The following PREP variants were observed in gnomAD, a reference collection of about 807,000 sequenced individuals.
PREP encodes prolyl endopeptidase, also known as dJ355L5.1 (prolyl endopeptidase).
A neutral mutation model predicts 87.6 loss-of-function variants in PREP; 29 were observed. That is an observed-to-expected ratio of 0.33 (90% CI 0.25 to 0.45). PREP has a LOEUF of 0.45. PREP is among the 20% of genes least tolerant of loss of function. The pLI, the probability that PREP is intolerant of heterozygous loss-of-function variation, is 1.00. For synonymous variants in PREP, 337 were observed against 328.6 expected, an observed-to-expected ratio of 1.03 and a Z score of -0.28; for missense variants, 695 against 886.5, an observed-to-expected ratio of 0.78 and a Z score of 2.74.
At chr6:105,369,838 AAAAC>A (rs1562219395) in intron 5 of PREP, among the ~76,000 whole-genome samples, 1 of 152,150 alleles carries the variant, frequency 6.6e-6, no homozygotes, top group African/African-American at 2.4e-5. Flanking sequence ...AACAAACAAA[AAAAC>A]GATTAAAAAC....
rs541022713 is a variant in PREP at position 105,315,612 on chromosome 6, T to G, written c.1317+8053A>C. Reference sequence around the variant, plus strand: ...TTTGGAACTTTGAAACTTTGGAACTTTGAAGCCAGGCAGACTTCTCTTTAG... The same window carrying G: ...TTTGGAACTTTGAAACTTTGGAACTGTGAAGCCAGGCAGACTTCTCTTTAG... On this transcript the variant is annotated intron_variant, in intron 10 of 14. Transcript: ENST00000652536. Among the ~76,000 whole-genome samples, 14 of 152,346 alleles carry G rather than the reference T, an allele frequency of 9.2e-5. No individual in the cohort carries two copies. In the South Asian group the frequency reaches 2.9e-3, roughly 32 times the overall value.
chr6:105,300,427 A>AT (rs1376827208), intron 10 of PREP, among the ~76,000 whole-genome samples: 6 of 152,296 alleles, frequency 3.9e-5, no homozygotes, highest in Admixed American at 2.6e-4. Context: ...TTTCAATAGT[A>AT]TTTTTTTAAG....
chr6:105,311,733 A>G (rs1168925815), intron 10 of PREP, among the ~76,000 whole-genome samples: 1 of 152,232 alleles, frequency 6.6e-6, no homozygotes, highest in African/African-American at 2.4e-5. Flanking sequence ...AATAAAAACA[A>G]ACTGACGGGA....
chr6:105,295,504 C>A (rs1770390734), intron 10 of PREP, among the ~76,000 whole-genome samples: 1 of 152,080 alleles, frequency 6.6e-6, no homozygotes, highest in Non-Finnish European at 1.5e-5. Flanking sequence ...AATCATTAAT[C>A]CCGAGTACCC....
intron 6 of PREP, among the ~76,000 whole-genome samples, chr6:105,355,321 A>G (rs1472992438): frequency 1.3e-5 from 2 of 152,084 alleles, no homozygotes; most frequent in Non-Finnish European, 2.9e-5. Flanking sequence ...TCTGACCTCA[A>G]GGTGATCCAC....
chr6:105,297,200 G>T (rs1770428851), intron 10 of PREP, among the ~76,000 whole-genome samples: 1 of 152,170 alleles, frequency 6.6e-6, no homozygotes, highest in South Asian at 2.1e-4. Context: ...CACCCATGTG[G>T]TCATTTGGTT....
At chr6:105,356,145 T>C (rs78175992) in intron 6 of PREP, among the ~76,000 whole-genome samples, 1 of 152,198 alleles carries the variant, frequency 6.6e-6, no homozygotes, top group Non-Finnish European at 1.5e-5. Flanking sequence ...TTTTGAATGT[T>C]GTCTGGATTT....
At chr6:105,322,582 A>G in intron 10 of PREP, 5 of 986,972 alleles carry the variant, frequency 5.1e-6, no homozygotes, top group Non-Finnish European at 6.0e-6. Flanking sequence ...TAAAGGCCAT[A>G]TATTAAATAT....
chr6:105,309,691 G>C (rs182445017), intron 10 of PREP, among the ~76,000 whole-genome samples: 115 of 152,246 alleles, frequency 7.6e-4, no homozygotes, highest in African/African-American at 2.7e-3. Flanking sequence ...GCTGGTGCTT[G>C]GATTCCCTGC....
chr6:105,360,083 C>T (rs1000164050), intron 6 of PREP, among the ~76,000 whole-genome samples: 12 of 152,160 alleles, frequency 7.9e-5, no homozygotes, highest in African/African-American at 1.7e-4. Context: ...TCAGTGTCCT[C>T]GCCAGGCCCA....
At chr6:105,326,520 A>G (rs1771163951) in intron 9 of PREP, among the ~76,000 whole-genome samples, 1 of 152,238 alleles carries the variant, frequency 6.6e-6, no homozygotes, top group Non-Finnish European at 1.5e-5. Flanking sequence ...AAATGTCTGC[A>G]GCAGGAAGCT....
intron 2 of PREP, among the ~76,000 whole-genome samples, chr6:105,383,628 G>A (rs1481221311): frequency 6.6e-6 from 1 of 152,106 alleles, no homozygotes; most frequent in Non-Finnish European, 1.5e-5. Flanking sequence ...CAGACTAGGC[G>A]GAGCCTTCTA....
In PREP at chr6:105,373,434, G is replaced by C; in HGVS notation, c.530C>G (p.Ala177Gly). The change falls in exon 5 of 15, where the codon GCC (alanine) becomes GGC (glycine). Residue 177 changes from alanine (A) to glycine (G), a missense_variant. Ala to Gly is a moderately conservative substitution (Grantham distance 60). This residue lies in a region of PREP where 517 missense variants were observed against 620.3 expected (regional missense o/e 0.83). Transcript: ENST00000652536. ...CATTCCCTTCCCATCATGGGTCCAG[G>C]CCATACAGCTGAACTTGACTCTTTC... ...VLERVKFSCM[A>G]WTHDGKGMFY... 3 of 1,614,162 alleles carry C rather than the reference G, an allele frequency of 1.9e-6. No homozygotes were observed. Among genetic ancestry groups the C allele is most frequent in the Non-Finnish European group, 1.7e-6 (2 of 1,180,028 alleles).
chr6:105,331,310 A>AC (rs534297510), intron 8 of PREP, among the ~76,000 whole-genome samples: 6 of 151,724 alleles, frequency 4.0e-5, no homozygotes, highest in East Asian at 1.9e-4. Flanking sequence ...CAAATATATC[A>AC]CCCCCCCAAC....
At chr6:105,301,475 T>C (rs1174102263) in intron 10 of PREP, among the ~76,000 whole-genome samples, 10 of 152,190 alleles carry the variant, frequency 6.6e-5, no homozygotes, top group South Asian at 2.1e-4. Flanking sequence ...TCCTAGGACT[T>C]AGAGGGAGGC....
At chr6:105,339,973 A>G (rs185810830) in intron 7 of PREP, among the ~76,000 whole-genome samples, 21 of 152,322 alleles carry the variant, frequency 1.4e-4, no homozygotes, top group African/African-American at 5.1e-4. Context: ...ACTCTGCAGG[A>G]TATTATCCAG....
At chr6:105,346,753 T>C (rs148036291) in intron 7 of PREP, among the ~76,000 whole-genome samples, 532 of 152,358 alleles carry the variant, frequency 3.5e-3, no homozygotes, top group Non-Finnish European at 5.7e-3. Flanking sequence ...TTACGGTTCT[T>C]TTTGCCTAAC....
At chr6:105,355,384 A>G (rs1348272263) in intron 6 of PREP, among the ~76,000 whole-genome samples, 3 of 152,138 alleles carry the variant, frequency 2.0e-5, no homozygotes, top group African/African-American at 7.2e-5. Flanking sequence ...GTAGTTTTAA[A>G]TATGGCAATC....
At chr6:105,290,711 T>C (rs1770282251) in intron 10 of PREP, among the ~76,000 whole-genome samples, 1 of 152,202 alleles carries the variant, frequency 6.6e-6, no homozygotes, top group Non-Finnish European at 1.5e-5. Flanking sequence ...AACTCTCTTA[T>C]CTGACTCCAG....
Sources: allele counts gnomAD v4.1 joint callset (sites outside exome capture counted in the v4.1 genomes callset), GRCh38; gene constraint gnomAD v4.1.1; regional missense constraint gnomAD v4.1.1; transcripts MANE v1.5; gene names NCBI Gene and HGNC (gene_info 2026-07-23, HGNC 2026-07-21).